SMG6: variants seen among roughly 807,000 people sequenced by gnomAD.
The protein encoded by SMG6 is telomerase-binding protein EST1A.
In SMG6, 66 loss-of-function variants were observed where a neutral mutation model predicts 142.2. The ratio of observed to expected loss-of-function variants is 0.46; its 90% CI spans 0.38 to 0.57. The LOEUF is 0.57. Ranked by LOEUF, SMG6 falls within the 20% of genes least tolerant of loss-of-function variation. The pLI is 0.00. For synonymous variants in SMG6, 779 were observed against 702.4 expected (o/e 1.11, Z -1.72); for missense variants, 1,793 against 1,832.0 (o/e 0.98, Z 0.39).
chr17:2,156,471 C>T (rs1418445287), intron 13 of SMG6, among the ~76,000 whole-genome samples: 1 of 148,476 alleles, frequency 6.7e-6, no homozygotes, highest in African/African-American at 2.5e-5. Flanking sequence ...GTGACACTAT[C>T]CTCAGGGAAA....
chr17:2,061,485 G>T lies in SMG6; in HGVS notation c.*7C>A. On this transcript the variant is annotated 3_prime_UTR_variant, in exon 19 of 19. Transcript: ENST00000263073. ...TTCCACGGGGGGGGGGCCCCAGTGT[G>T]GCTCCCTCAGCCCACCTGGGCCCAC... is the stretch of plus-strand genomic sequence containing the variant. The T allele has an allele frequency of 6.4e-7, 1 of 1,566,510 alleles. No individual in the cohort carries two copies. Among genetic ancestry groups the T allele is most frequent in the Admixed American group, 1.8e-5 (1 of 54,768 alleles).
intron 10 of SMG6, among the ~76,000 whole-genome samples, chr17:2,221,778 A>G (rs2073176553): frequency 6.6e-6 from 1 of 152,106 alleles, no homozygotes; most frequent in African/African-American, 2.4e-5. Context: ...GAGTCTTGCA[A>G]TGTTGCCCAG....
intron 13 of SMG6, among the ~76,000 whole-genome samples, chr17:2,112,300 C>G (rs1033327664): frequency 4.6e-5 from 7 of 151,130 alleles, no homozygotes; most frequent in South Asian, 4.2e-4. Flanking sequence ...GTCAGGAGAT[C>G]GAGACCATCA....
intron 13 of SMG6, among the ~76,000 whole-genome samples, chr17:2,142,150 C>A (rs2070500442): frequency 6.6e-6 from 1 of 152,084 alleles, no homozygotes; most frequent in African/African-American, 2.4e-5. Flanking sequence ...CAGGCGCACA[C>A]CAGCTTCTCC....
intron 13 of SMG6, among the ~76,000 whole-genome samples, chr17:2,102,115 C>T (rs1443164142): frequency 1.3e-5 from 2 of 152,156 alleles, no homozygotes; most frequent in Non-Finnish European, 2.9e-5. Flanking sequence ...AACTTGTGTG[C>T]TCTCAGGCAA....
intron 10 of SMG6, among the ~76,000 whole-genome samples, chr17:2,206,370 G>T (rs979395168): frequency 1.3e-5 from 2 of 151,768 alleles, no homozygotes; most frequent in Non-Finnish European, 2.9e-5. Flanking sequence ...AGAATCACTT[G>T]AGTCCAGCCT....
At chr17:2,206,588 T>C (rs968978973) in intron 10 of SMG6, among the ~76,000 whole-genome samples, 2 of 150,944 alleles carry the variant, frequency 1.3e-5, no homozygotes, top group African/African-American at 4.9e-5. Flanking sequence ...CTAAAAAAAA[T>C]AATAAAATTT....
At chr17:2,279,348 T>A (rs1015967893) in intron 8 of SMG6, among the ~76,000 whole-genome samples, 6 of 152,120 alleles carry the variant, frequency 3.9e-5, no homozygotes, top group African/African-American at 1.4e-4. Context: ...AGTGTAAGAT[T>A]TGAAGTAGCA....
At chr17:2,065,977 T>C (rs1168083140) in intron 16 of SMG6, 2 of 439,100 alleles carry the variant, frequency 4.6e-6, no homozygotes, top group South Asian at 2.4e-5. Context: ...GGTCCCTCTA[T>C]TGCATTCCTT....
rs1468401991 is a variant in SMG6, at chr17:2,207,115, TCCAAAAAAAA to T, written c.2870-18610_2870-18601del. Among the ~76,000 whole-genome samples, 8 of 56,622 alleles carry T rather than the reference TCCAAAAAAAA, an allele frequency of 1.4e-4. 1 individual carries two copies. The highest frequency in any genetic ancestry group is 4.1e-4 in the African/African-American group (7 of 16,910). 37.1% of individuals were successfully genotyped at this position (56,622 alleles called of 152,430 possible). ...GGTGAAATCTTGTCTCTACTAAAAA[TCCAAAAAAAA>T]AAAAAAAAAAAAAAATAGCAGGCAT... On this transcript the variant is annotated intron_variant, in intron 10 of 18. Coordinates refer to ENST00000263073, the MANE Select transcript of SMG6 (RefSeq NM_017575.5).
intron 10 of SMG6, among the ~76,000 whole-genome samples, chr17:2,230,185 C>G (rs2073432951): frequency 6.1e-5 from 1 of 16,472 alleles, no homozygotes; most frequent in East Asian, 1.2e-3. Context: ...GACTCCGTCT[C>G]CAAAAAAAAA....
At chr17:2,179,108 T>C (rs1248788150) in intron 12 of SMG6, among the ~76,000 whole-genome samples, 3 of 152,012 alleles carry the variant, frequency 2.0e-5, no homozygotes, top group Non-Finnish European at 2.9e-5. Flanking sequence ...CACTCAGCAC[T>C]TGGAGGAAGA....
intron 11 of SMG6, among the ~76,000 whole-genome samples, chr17:2,187,523 G>A (rs1567668816): frequency 6.6e-6 from 1 of 152,070 alleles, no homozygotes; most frequent in Non-Finnish European, 1.5e-5. Context: ...CAAGTATTTG[G>A]GGGTAAAGGG....
chr17:2,100,413 T>C (rs1433022050), intron 13 of SMG6, among the ~76,000 whole-genome samples: 1 of 152,190 alleles, frequency 6.6e-6, no homozygotes, highest in Non-Finnish European at 1.5e-5. Flanking sequence ...CCTCAAGTGA[T>C]CTGCCCTCCT....
chr17:2,221,260 C>T (rs951828695), intron 10 of SMG6, among the ~76,000 whole-genome samples: 21 of 152,124 alleles, frequency 1.4e-4, no homozygotes, highest in African/African-American at 5.1e-4. Context: ...GGGGTGGTTT[C>T]TGATGGTTTA....
At chr17:2,144,202 G>A (rs1463356025) in intron 13 of SMG6, among the ~76,000 whole-genome samples, 2 of 151,866 alleles carry the variant, frequency 1.3e-5, no homozygotes, top group East Asian at 1.9e-4. Flanking sequence ...GGGATTACAG[G>A]TGCCTGCCAT....
At chr17:2,256,792 C>T (rs72634005) in intron 8 of SMG6, among the ~76,000 whole-genome samples, 1 of 29,260 alleles carries the variant, frequency 3.4e-5, no homozygotes, top group African/African-American at 6.5e-5. Context: ...AATAGATAGA[C>T]AGATTTGATA....
chr17:2,158,179 G>A (rs1217295071), intron 13 of SMG6, among the ~76,000 whole-genome samples: 2 of 152,136 alleles, frequency 1.3e-5, no homozygotes, highest in Non-Finnish European at 2.9e-5. Flanking sequence ...ACACCCCCAC[G>A]GAACATGTAT....
At chr17:2,270,332 A>G (rs2074518810) in intron 8 of SMG6, among the ~76,000 whole-genome samples, 1 of 152,200 alleles carries the variant, frequency 6.6e-6, no homozygotes, top group African/African-American at 2.4e-5. Flanking sequence ...TTTAGAGTCC[A>G]GGTGTAGTGG....
Sources: allele counts gnomAD v4.1 joint callset (sites outside exome capture counted in the v4.1 genomes callset), GRCh38; gene constraint gnomAD v4.1.1; transcripts MANE v1.5; gene names NCBI Gene and HGNC (gene_info 2026-07-23, HGNC 2026-07-21).